CMC1: variants seen among roughly 807,000 people sequenced by gnomAD.
The protein encoded by CMC1 is COX assembly mitochondrial protein homolog.
In CMC1, 14 loss-of-function variants were observed where a neutral mutation model predicts 14.1. That is an observed-to-expected ratio of 0.99 (90% CI 0.66 to 1.55). The LOEUF is 1.55. Among genes scored for constraint, CMC1 ranks in the 40% most tolerant of loss-of-function variants. The pLI, the probability that CMC1 is intolerant of heterozygous loss-of-function variation, is 0.00. For missense variants in CMC1, 127 were observed against 123.8 expected (o/e 1.03, Z -0.12); for synonymous variants, 50 against 38.4 (o/e 1.30, Z -1.12).
intron 2 of CMC1, among the ~76,000 whole-genome samples, chr3:28,266,620 G>A (rs1020010134): frequency 2.6e-5 from 4 of 151,898 alleles, no homozygotes; most frequent in African/African-American, 9.7e-5. Flanking sequence ...TGGGATTGCA[G>A]GCGTGGACTA....
chr3:28,248,709 G>A (rs1297653602), intron 1 of CMC1, among the ~76,000 whole-genome samples: 1 of 152,108 alleles, frequency 6.6e-6, no homozygotes, highest in Non-Finnish European at 1.5e-5. Context: ...TGATATAAGT[G>A]GACCAAACAA....
At chr3:28,295,038 T>G (rs1324334866) in intron 2 of CMC1, among the ~76,000 whole-genome samples, 1 of 152,168 alleles carries the variant, frequency 6.6e-6, no homozygotes, top group Non-Finnish European at 1.5e-5. Flanking sequence ...AAGAATGCAG[T>G]GTTCACGCTG....
rs1366012727 is a variant in CMC1 at position 28,321,342 on chromosome 3, T to G, written c.*1713T>G. ...TGAAATATACAATCTATTTTATAGC[T>G]TTGATTAAAATCAGAAGTAGCCCAC... On this transcript the variant is annotated 3_prime_UTR_variant, in exon 4 of 4. Transcript: ENST00000466830. The G allele has an allele frequency of 6.6e-6, 1 of 151,490 alleles. No individual in the cohort carries two copies. The highest frequency in any genetic ancestry group is 1.5e-5 in the Non-Finnish European group (1 of 67,592). The allele number at this position is 151,490 out of a possible 1,614,324, so 9.4% of individuals were successfully genotyped here.
At position 28,314,303 on chromosome 3, in the gene CMC1, A is replaced by G. The variant is rs568976159; in HGVS notation, c.110-2030A>G. Among the ~76,000 whole-genome samples the G allele has an allele frequency of 2.0e-5, 3 of 152,320 alleles. No homozygotes were observed. In the East Asian group the frequency reaches 5.8e-4, roughly 29 times the overall value. On this transcript the variant is annotated intron_variant, in intron 2 of 3. Coordinates refer to ENST00000466830, the MANE Select transcript of CMC1 (RefSeq NM_182523.2). ...TTAGATAGCCATGTGGCTACCCTTC[A>G]GCGTCTCCACTGAAAATGAGCTGGC...
chr3:28,309,987 A>G (rs1219733574), intron 2 of CMC1, among the ~76,000 whole-genome samples: 3 of 144,702 alleles, frequency 2.1e-5, no homozygotes, highest in South Asian at 2.2e-4. Context: ...ACACACACAC[A>G]CACGCTAATA....
chr3:28,253,891 A>G (rs1313228284), intron 1 of CMC1: 9 of 404,352 alleles, frequency 2.2e-5, no homozygotes, highest in African/African-American at 1.1e-4. Flanking sequence ...ATTCTTTGCT[A>G]TTAAAGACTC....
chr3:28,259,902 T>C (rs1203730734), intron 1 of CMC1, among the ~76,000 whole-genome samples: 3 of 152,166 alleles, frequency 2.0e-5, no homozygotes, highest in South Asian at 4.1e-4. Flanking sequence ...ATGTTTCTTT[T>C]TTTATAGGGA....
intron 2 of CMC1, chr3:28,294,435 A>G: frequency 1.1e-6 from 1 of 947,464 alleles, no homozygotes. Flanking sequence ...ACAATACAGG[A>G]CAAGTAAATT....
intron 2 of CMC1, among the ~76,000 whole-genome samples, chr3:28,276,163 A>G (rs1203359702): frequency 6.6e-6 from 1 of 152,000 alleles, no homozygotes; most frequent in African/African-American, 2.4e-5. Flanking sequence ...TTCCCAGTGC[A>G]GGATTCACTT....
At chr3:28,316,724 G>T (rs368852011) in intron 3 of CMC1, 1 of 186,844 alleles carries the variant, frequency 5.4e-6, no homozygotes, top group Non-Finnish European at 1.1e-5. Flanking sequence ...ATATAGTACA[G>T]ACTGATTTTT....
At position 28,320,074 on chromosome 3, in the gene CMC1, A is replaced by G; in HGVS notation, c.*445A>G. 1 of 156,554 alleles carries G rather than the reference A, an allele frequency of 6.4e-6. No individual in the cohort carries two copies. Among genetic ancestry groups the G allele is most frequent in the East Asian group, 1.9e-4 (1 of 5,278 alleles). The allele number at this position is 156,554 out of a possible 1,614,324, so 9.7% of individuals were successfully genotyped here. ...TTCCTGATTCTACCACTTATTAGCT[A>G]TACAGCTGTGGAAGTAAATCTAATA... On this transcript the variant is annotated 3_prime_UTR_variant, in exon 4 of 4. Transcript: ENST00000466830.
At chr3:28,286,215 G>C (rs565777703) in intron 2 of CMC1, among the ~76,000 whole-genome samples, 139 of 152,018 alleles carry the variant, frequency 9.1e-4, no homozygotes, top group African/African-American at 3.3e-3. Flanking sequence ...AACTTTTTTT[G>C]CTATGTCAGT....
chr3:28,263,121 C>A, intron 1 of CMC1, 170 bp from the exon 2 acceptor site: 1 of 547,394 alleles, frequency 1.8e-6, no homozygotes, highest in Non-Finnish European at 3.2e-6. Context: ...TATAAAAAAA[C>A]ATTGCAAATA....
intron 2 of CMC1, among the ~76,000 whole-genome samples, chr3:28,300,617 C>CCTT (rs1701977892): frequency 7.8e-6 from 1 of 127,540 alleles, no homozygotes; most frequent in East Asian, 2.7e-4. Flanking sequence ...CTTCCTCCCT[C>CCTT]CCTCCCTCCC....
intron 2 of CMC1, among the ~76,000 whole-genome samples, chr3:28,303,832 A>C (rs750591751): frequency 1.3e-4 from 20 of 152,172 alleles, no homozygotes; most frequent in Non-Finnish European, 2.8e-4. Context: ...CTAAGCAAGT[A>C]AGCTTTGCTG....
At chr3:28,285,696 A>AC (rs1701136317) in intron 2 of CMC1, among the ~76,000 whole-genome samples, 1 of 152,000 alleles carries the variant, frequency 6.6e-6, no homozygotes, top group Non-Finnish European at 1.5e-5. Context: ...TGAAAAAAAA[A>AC]AACCCATGAC....
At chr3:28,291,130 T>A (rs1247788987) in intron 2 of CMC1, among the ~76,000 whole-genome samples, 1 of 152,168 alleles carries the variant, frequency 6.6e-6, no homozygotes, top group Non-Finnish European at 1.5e-5. Context: ...AGAGAACATC[T>A]GGTAAGACAT....
Position 28,319,987 on chromosome 3 carries a change from C to A in CMC1, c.*358C>A, listed in dbSNP as rs1026580448. 6.1e-4 allele frequency: 99 copies of A among 162,344 alleles called. No homozygotes were observed. The highest frequency in any genetic ancestry group is 2.3e-3 in the African/African-American group (96 of 41,558). 10.1% of individuals were successfully genotyped at this position (162,344 alleles called of 1,614,324 possible). A position where few individuals can be genotyped will look rare whatever the true frequency, so the allele number is the denominator to read the frequency against. ...AAAACTAAAGAAAAGCAGGAATGGA[C>A]AACCTTCAAAGGTGTTAATAATAAC... On this transcript the variant is annotated 3_prime_UTR_variant, in exon 4 of 4. Coordinates refer to ENST00000466830, the MANE Select transcript of CMC1 (RefSeq NM_182523.2).
Position 28,323,332 on chromosome 3 carries a change from C to A in CMC1, c.*3703C>A, listed in dbSNP as rs1458241012. On this transcript the variant is annotated 3_prime_UTR_variant, in exon 4 of 4. Transcript: ENST00000466830. ...TAGGGTTACAATCATTTGTTTACACCCCAGAGTTTTTCAACTATTTCATTT... is the reference window on the plus strand; with the variant it reads ...TAGGGTTACAATCATTTGTTTACACACCAGAGTTTTTCAACTATTTCATTT... 1 of 150,798 alleles carries A rather than the reference C, an allele frequency of 6.6e-6. No individual in the cohort carries two copies. Among genetic ancestry groups the A allele is most frequent in the Non-Finnish European group, 1.5e-5 (1 of 67,096 alleles). 9.3% of individuals were successfully genotyped at this position (150,798 alleles called of 1,614,324 possible).
Sources: allele counts gnomAD v4.1 joint callset (sites outside exome capture counted in the v4.1 genomes callset), GRCh38; gene constraint gnomAD v4.1.1; transcripts MANE v1.5; gene names NCBI Gene and HGNC (gene_info 2026-07-23, HGNC 2026-07-21).